CAP2: variants seen among roughly 807,000 people sequenced by gnomAD.
CAP2 encodes the protein adenylyl cyclase-associated protein 2.
Under a neutral mutation model 57.7 loss-of-function variants are expected in CAP2, and 24 were observed. That is an observed-to-expected ratio of 0.42 (90% CI 0.30 to 0.58). The LOEUF is 0.58. Among genes scored for constraint, CAP2 ranks in the 20% least tolerant of loss-of-function variants. The pLI, the probability that CAP2 is intolerant of heterozygous loss-of-function variation, is 0.22. For synonymous variants in CAP2, 194 were observed against 207.2 expected (o/e 0.94, Z 0.55); for missense variants, 501 against 590.3 (o/e 0.85, Z 1.57).
At position 17,541,127 on chromosome 6, in the gene CAP2, G is replaced by C; in HGVS notation, c.981G>C (p.Leu327Phe). 1 of 1,612,958 alleles carries C rather than the reference G, an allele frequency of 6.2e-7. No homozygotes were observed. Among genetic ancestry groups the C allele is most frequent in the Non-Finnish European group, 8.5e-7 (1 of 1,179,390 alleles). The change falls in exon 9 of 13, where the codon TTG becomes TTC. Residue 327 changes from leucine to phenylalanine, a missense_variant. By Grantham distance (22) the Leu-to-Phe change is conservative (BLOSUM62 0). Transcript: ENST00000229922. ...AAAAACATGCCCCAGTGTTGGAGTT[G>C]GAAGGAAAGAAATGGAGAGTGGTAA... ...PSQKHAPVLE[L>F]EGKKWRVEYQ...
chr6:17,541,207 C>A, intron 9 of CAP2, 59 bp downstream of exon 9: 2 of 1,322,914 alleles, frequency 1.5e-6, no homozygotes, highest in Non-Finnish European at 2.1e-6. Context: ...GGACCAACAG[C>A]CAAACCATTT....
intron 2 of CAP2, among the ~76,000 whole-genome samples, chr6:17,422,955 C>T (rs966857006): frequency 8.5e-5 from 13 of 152,116 alleles, no homozygotes; most frequent in African/African-American, 2.7e-4. Context: ...GGCTATACTG[C>T]GTGTTATGCA....
chr6:17,507,716 T>A lies in CAP2; in HGVS notation c.520T>A (p.Tyr174Asn). The change falls in exon 6 of 13, where the codon TAC becomes AAC. Residue 174 changes from tyrosine (Y) to asparagine (N), a missense_variant. Tyr to Asn is a moderately radical substitution (Grantham distance 143). Transcript: ENST00000229922. ...TTACACTAACAGGGTCTTAAAGGAC[T>A]ACAAACACAGGTACGTACCTTCCTT... ...TFYTNRVLKD[Y>N]KHSDLRHVDW... The A allele has an allele frequency of 6.3e-7, 1 of 1,587,820 alleles. No homozygotes were observed. The highest frequency in any genetic ancestry group is 1.7e-4 in the Middle Eastern group (1 of 5,940).
Position 17,556,906 on chromosome 6 carries a change from T to C in CAP2, c.*464T>C, listed in dbSNP as rs1763326236. The C allele has an allele frequency of 6.2e-6, 1 of 160,802 alleles. No homozygotes were observed. Among genetic ancestry groups the C allele is most frequent in the South Asian group, 1.8e-4 (1 of 5,536 alleles). 10.0% of individuals were successfully genotyped at this position (160,802 alleles called of 1,614,324 possible). On this transcript the variant is annotated 3_prime_UTR_variant, in exon 13 of 13. Coordinates refer to ENST00000229922, the MANE Select transcript of CAP2 (RefSeq NM_006366.3). Reference sequence around the variant, plus strand: ...TGAAAAATGTACACGTTTTTTCTTATTGTTACCACATGTTCACCTTTATCA... The same window carrying C: ...TGAAAAATGTACACGTTTTTTCTTACTGTTACCACATGTTCACCTTTATCA...
At chr6:17,540,605 A>G (rs1331303159) in intron 8 of CAP2, among the ~76,000 whole-genome samples, 1 of 152,166 alleles carries the variant, frequency 6.6e-6, no homozygotes, top group Non-Finnish European at 1.5e-5. Flanking sequence ...TACAAAAATT[A>G]GCTAAGCGTG....
chr6:17,430,124 T>C (rs951584151), intron 3 of CAP2, among the ~76,000 whole-genome samples: 5 of 152,216 alleles, frequency 3.3e-5, no homozygotes, highest in Admixed American at 2.6e-4. Context: ...ATTTAACGTC[T>C]GTCTCGATGT....
At chr6:17,461,188 CAA>C (rs571318175) in intron 3 of CAP2, among the ~76,000 whole-genome samples, 20,231 of 142,298 alleles carry the variant, frequency 0.14, 4,407 homozygotes, top group African/African-American at 0.47. Context: ...AACAAAACAA[CAA>C]AAAAAAAAAC....
chr6:17,481,998 C>T (rs551064121), intron 4 of CAP2, among the ~76,000 whole-genome samples: 2 of 152,264 alleles, frequency 1.3e-5, no homozygotes, highest in East Asian at 3.9e-4. Flanking sequence ...GAGTGGCTTT[C>T]TCTGGATTCT....
At chr6:17,499,848 CATAAATAA>C (rs139314619) in intron 4 of CAP2, among the ~76,000 whole-genome samples, 105 of 142,710 alleles carry the variant, frequency 7.4e-4, no homozygotes, top group Non-Finnish European at 9.4e-4. Context: ...GAGACCCTGT[CATAAATAA>C]ATAAATAAAT....
chr6:17,529,424 G>A (rs1286017869), intron 7 of CAP2, among the ~76,000 whole-genome samples: 7 of 151,842 alleles, frequency 4.6e-5, no homozygotes, highest in Non-Finnish European at 8.8e-5. Context: ...GGCGGATCAC[G>A]AGGTCAGGAG....
intron 7 of CAP2, among the ~76,000 whole-genome samples, chr6:17,528,111 C>T (rs572615604): frequency 6.6e-6 from 1 of 152,298 alleles, no homozygotes; most frequent in African/African-American, 2.4e-5. Context: ...AGATATTCAA[C>T]CCTTTATTGT....
intron 6 of CAP2, among the ~76,000 whole-genome samples, chr6:17,510,257 ACT>A (rs1294036997): frequency 1.3e-5 from 2 of 152,198 alleles, no homozygotes; most frequent in South Asian, 2.1e-4. Context: ...CTGAGTGATA[ACT>A]CTGCTGAGCT....
chr6:17,420,106 G>A (rs1323343661), intron 1 of CAP2, among the ~76,000 whole-genome samples: 3 of 152,008 alleles, frequency 2.0e-5, no homozygotes, highest in Non-Finnish European at 4.4e-5. Flanking sequence ...TCCTGACTTC[G>A]TGATCCGCCT....
intron 3 of CAP2, among the ~76,000 whole-genome samples, chr6:17,443,164 A>G (rs905597378): frequency 2.0e-5 from 3 of 152,136 alleles, no homozygotes; most frequent in African/African-American, 7.2e-5. Context: ...AAGCGGGAGG[A>G]TCATTTTAGC....
intron 3 of CAP2, among the ~76,000 whole-genome samples, chr6:17,436,174 G>C (rs540855643): frequency 2.0e-5 from 3 of 149,566 alleles, no homozygotes; most frequent in African/African-American, 7.4e-5. Context: ...ACCCAGGCTG[G>C]AGCACAGTCA....
At chr6:17,442,715 C>T (rs1212091840) in intron 3 of CAP2, among the ~76,000 whole-genome samples, 1 of 117,636 alleles carries the variant, frequency 8.5e-6, no homozygotes, top group African/African-American at 3.8e-5. Context: ...TAGTGAGACC[C>T]CATCACTATT....
At chr6:17,532,025 A>G (rs10949429) in intron 7 of CAP2, among the ~76,000 whole-genome samples, 109,801 of 151,974 alleles carry the variant, frequency 0.72, 39,790 homozygotes, top group East Asian at 0.74. Flanking sequence ...TTTGTTTAGT[A>G]GACTGACAAA....
At chr6:17,426,974 A>G (rs957261389) in intron 3 of CAP2, among the ~76,000 whole-genome samples, 9 of 152,236 alleles carry the variant, frequency 5.9e-5, no homozygotes, top group Non-Finnish European at 1.0e-4. Context: ...TCTGGGAAAC[A>G]GATGATATAT....
intron 6 of CAP2, among the ~76,000 whole-genome samples, chr6:17,508,958 A>G (rs969203910): frequency 3.3e-5 from 5 of 151,974 alleles, no homozygotes; most frequent in East Asian, 1.9e-4. Context: ...GAGTTTCACC[A>G]TATTGGCCAG....
Sources: allele counts gnomAD v4.1 joint callset (sites outside exome capture counted in the v4.1 genomes callset), GRCh38; gene constraint gnomAD v4.1.1; transcripts MANE v1.5; gene names NCBI Gene and HGNC (gene_info 2026-07-23, HGNC 2026-07-21).